The following ALG13 variants were observed in gnomAD, a reference collection of about 807,000 sequenced individuals.
ALG13 encodes the protein UDP-N-acetylglucosamine transferase subunit ALG13.
Under a neutral mutation model 87.8 loss-of-function variants are expected in ALG13, and 11 were observed. The observed-to-expected ratio is 0.13, with a 90% confidence interval of 0.08 to 0.21. The LOEUF is 0.21. Among genes scored for constraint, ALG13 ranks in the 10% least tolerant of loss-of-function variants. The pLI, the probability that ALG13 is intolerant of heterozygous loss-of-function variation, is 1.00. For missense variants in ALG13, 756 were observed against 866.1 expected (o/e 0.87, Z 1.60); for synonymous variants, 320 against 306.3 (o/e 1.04, Z -0.47).
At chrX:111,705,318 G>A (rs1938536676) in intron 3 of ALG13, among the ~76,000 whole-genome samples, 1 of 111,632 alleles carries the variant, frequency 9.0e-6, no homozygotes, top group Non-Finnish European at 1.9e-5. Flanking sequence ...GTCTATTTAA[G>A]AAATTGGATT....
intron 3 of ALG13, chrX:111,690,006 A>G: frequency 1.3e-6 from 1 of 751,601 alleles, no homozygotes; most frequent in Non-Finnish European, 1.6e-6. Flanking sequence ...GGTAGGATTG[A>G]TAGTAGATTG....
At chrX:111,738,127 T>C (rs1340857731) in intron 23 of ALG13, among the ~76,000 whole-genome samples, 3 of 112,338 alleles carry the variant, frequency 2.7e-5, no homozygotes, top group South Asian at 7.3e-4. Context: ...GCTAAAGATA[T>C]TAATAATACA....
chrX:111,710,733 T>G (rs775148558), intron 5 of ALG13, among the ~76,000 whole-genome samples: 116 of 112,066 alleles, frequency 1.0e-3, no homozygotes, highest in African/African-American at 3.2e-3. Flanking sequence ...GTCTTGCTCT[T>G]TCACCCAGGC....
At chrX:111,754,424 G>A (rs1209072954) in intron 25 of ALG13, among the ~76,000 whole-genome samples, 7 of 111,551 alleles carry the variant, frequency 6.3e-5, no homozygotes, top group Non-Finnish European at 1.1e-4. Flanking sequence ...TTCTGGCCAG[G>A]GCAGTCAGGT....
chrX:111,726,044 C>T (rs1278625353), intron 15 of ALG13, among the ~76,000 whole-genome samples: 2 of 111,259 alleles, frequency 1.8e-5, no homozygotes, highest in East Asian at 2.8e-4. Context: ...CCCGGGTTCA[C>T]GCCATTCTCC....
At chrX:111,725,536 A>G (rs1170613612) in intron 15 of ALG13, among the ~76,000 whole-genome samples, 1 of 111,374 alleles carries the variant, frequency 9.0e-6, no homozygotes, top group African/African-American at 3.3e-5. Flanking sequence ...ATTAAGATCT[A>G]GTATTTGGTA....
Position 111,744,753 on chromosome X carries a change from ACCACCACCACCACCACCT to A in ALG13, c.2784_2801del (p.Pro940_Pro945del), listed in dbSNP as rs1422994759. On this transcript the variant is annotated inframe_deletion, in exon 24 of 27. Transcript: ENST00000394780. ...CACCACCACCACCACCACCACCACC[ACCACCACCACCACCACCT>A]CCTCCTCCTCCTCCTCCTCCTCCTC... 2 of 799,601 alleles carry A rather than the reference ACCACCACCACCACCACCT, an allele frequency of 2.5e-6. No individual in the cohort carries two copies. Among genetic ancestry groups the A allele is most frequent in the Admixed American group, 3.5e-5 (1 of 28,978 alleles). The allele number at this position is 799,601 out of a possible 1,213,427, so 65.9% of individuals were successfully genotyped here.
chrX:111,710,325 G>A (rs753737925), intron 5 of ALG13, among the ~76,000 whole-genome samples: 6 of 111,253 alleles, frequency 5.4e-5, no homozygotes, highest in Non-Finnish European at 9.4e-5. Flanking sequence ...GAGCCACTGC[G>A]TGCAGTGGAG....
At chrX:111,726,391 G>A (rs890026138) in intron 15 of ALG13, among the ~76,000 whole-genome samples, 1 of 108,538 alleles carries the variant, frequency 9.2e-6, no homozygotes, top group African/African-American at 3.4e-5. Flanking sequence ...ACGTTACCAC[G>A]CCTGGCTAAT....
intron 3 of ALG13, chrX:111,686,049 A>G (rs963420952): frequency 5.5e-6 from 3 of 550,149 alleles, no homozygotes; most frequent in South Asian, 5.9e-5. Context: ...GGTAAGGAGT[A>G]TTATTTTCTA....
At position 111,757,400 on chromosome X, in the gene ALG13, A is replaced by G. The variant is rs41306271; in HGVS notation, c.2974-188A>G. 3.4e-3 allele frequency: 1,134 copies of G among 333,611 alleles called. 1 individual carries two copies. Among genetic ancestry groups the G allele is most frequent in the Non-Finnish European group, 4.6e-3 (897 of 193,767 alleles). The allele number at this position is 333,611 out of a possible 1,213,427, so 27.5% of individuals were successfully genotyped here. ...TTAAATATGAGATACAAATGCTGCA[A>G]AAGATCCTAAAGTTCTAATAGAGAA... is the stretch of plus-strand genomic sequence containing the variant. On this transcript the variant is annotated intron_variant, in intron 25 of 26. Coordinates refer to ENST00000394780, the MANE Select transcript of ALG13 (RefSeq NM_001099922.3).
intron 24 of ALG13, among the ~76,000 whole-genome samples, chrX:111,745,937 A>G (rs185419849): frequency 7.7e-4 from 86 of 111,393 alleles, no homozygotes; most frequent in Non-Finnish European, 1.5e-3. Context: ...TATTTTTCCA[A>G]TATTTTACTA....
chrX:111,681,716 G>C (rs1057243700), intron 1 of ALG13: 1 of 839,612 alleles, frequency 1.2e-6, no homozygotes, highest in Non-Finnish European at 1.4e-6. Context: ...AGCCAGCCGA[G>C]CTCGCCTCAG....
intron 23 of ALG13, among the ~76,000 whole-genome samples, chrX:111,741,437 T>A (rs1001921600): frequency 8.9e-6 from 1 of 112,173 alleles, no homozygotes; most frequent in Non-Finnish European, 1.9e-5. Context: ...GAAAAGTATT[T>A]ATAGGCATGG....
intron 3 of ALG13, among the ~76,000 whole-genome samples, chrX:111,690,854 CTAAG>C (rs1171921592): frequency 3.3e-4 from 37 of 111,482 alleles, no homozygotes; most frequent in African/African-American, 1.2e-3. Flanking sequence ...TTTTTCAAGA[CTAAG>C]TAATGACTAG....
intron 3 of ALG13, among the ~76,000 whole-genome samples, chrX:111,686,857 A>T (rs1935077947): frequency 8.9e-6 from 1 of 112,310 alleles, no homozygotes; most frequent in Admixed American, 9.5e-5. Flanking sequence ...TTTTATTTTT[A>T]TTTTTTTACA....
intron 8 of ALG13, among the ~76,000 whole-genome samples, chrX:111,715,618 T>C (rs926790564): frequency 4.5e-5 from 5 of 112,249 alleles, no homozygotes; most frequent in Non-Finnish European, 9.4e-5. Flanking sequence ...CTTGGGAGGC[T>C]GAGGCAGAAG....
In ALG13 at chrX:111,717,907, C is replaced by A; in HGVS notation, c.1067C>A (p.Ser356Ter). 1 of 1,205,488 alleles carries A rather than the reference C, an allele frequency of 8.3e-7. No homozygotes were observed. Among genetic ancestry groups the A allele is most frequent in the South Asian group, 1.8e-5 (1 of 56,103 alleles). ...YDSVYSKQFQ[S>*]SAAVCQAVLY... ...TCTGTGTACTCAAAACAATTTCAGT[C>A]AAGTGCAGCTGTTTGTCAGGGTATG... The change falls in exon 9 of 27, where the codon TCA (serine) becomes TAA (stop). Residue 356 changes from serine (S) to a stop codon, truncating the protein, a stop_gained. Transcript: ENST00000394780. LOFTEE classifies it high-confidence loss of function.
intron 18 of ALG13, 120 bp from the exon 19 acceptor site, chrX:111,728,065 C>G (rs1942258389): frequency 1.1e-6 from 1 of 909,688 alleles, no homozygotes; most frequent in African/African-American, 2.0e-5. Flanking sequence ...ACAGAGTTCT[C>G]TTACAATAGC....
Sources: gnomAD v4.1 joint callset for allele counts (sites outside exome capture counted in the v4.1 genomes callset) on GRCh38, gnomAD v4.1.1 for gene constraint, MANE v1.5 for transcripts, NCBI Gene and HGNC (gene_info 2026-07-23, HGNC 2026-07-21) for gene names.